The following CDH8 variants were observed in gnomAD, a reference collection of about 807,000 sequenced individuals.
The protein encoded by CDH8 is cadherin-8.
A neutral mutation model predicts 68.1 loss-of-function variants in CDH8; 17 were observed. The observed-to-expected ratio is 0.25, with a 90% CI of 0.17 to 0.37. CDH8 has a LOEUF of 0.37. CDH8 is among the 10% of genes least tolerant of loss of function. The pLI is 1.00. For synonymous variants in CDH8, 372 were observed against 365.1 expected (o/e 1.02, Z -0.21); for missense variants, 763 against 999.3 (o/e 0.76, Z 3.19).
At chr16:61,863,165 C>CT (rs1053652155) in intron 3 of CDH8, among the ~76,000 whole-genome samples, 10 of 151,908 alleles carry the variant, frequency 6.6e-5, no homozygotes, top group African/African-American at 2.2e-4. Context: ...ATTAAACAAA[C>CT]TTTTTTTTTC....
intron 10 of CDH8, chr16:61,693,447 T>C (rs1016414722): frequency 6.6e-6 from 1 of 152,078 alleles, no homozygotes; most frequent in Non-Finnish European, 1.5e-5. Flanking sequence ...CCTGACTCTG[T>C]ATAAGAAAAG....
At position 61,959,523 on chromosome 16, in the gene CDH8, C is replaced by CTCTCT. The variant is rs1965043958; in HGVS notation, c.253-58051_253-58050insAGAGA. ...CAAAAGCCAGCCCTGCCTTATCCTC[C>CTCTCT]CTCTCTCTCTCTCTCTCTCTGTGTG... On this transcript the variant is annotated intron_variant, in intron 2 of 11. Transcript: ENST00000577390. Among the ~76,000 whole-genome samples the CTCTCT allele has an allele frequency of 4.6e-3, 621 of 133,560 alleles. 3 individuals are homozygous for CTCTCT. The highest frequency in any genetic ancestry group is 0.017 in the African/African-American group (595 of 34,956). 87.6% of individuals were successfully genotyped at this position (133,560 alleles called of 152,430 possible).
chr16:62,033,785 G>T (rs1271415616), intron 1 of CDH8, among the ~76,000 whole-genome samples: 1 of 151,860 alleles, frequency 6.6e-6, no homozygotes, highest in Admixed American at 6.6e-5. Context: ...TCTGAATGAA[G>T]CAGTCCCCGG....
intron 8 of CDH8, among the ~76,000 whole-genome samples, chr16:61,773,752 T>C (rs913712858): frequency 4.6e-5 from 7 of 152,084 alleles, no homozygotes; most frequent in African/African-American, 1.4e-4. Flanking sequence ...GTGGATAGAA[T>C]TGGCAGCCAT....
intron 10 of CDH8, among the ~76,000 whole-genome samples, chr16:61,660,580 C>T (rs970960293): frequency 6.6e-6 from 1 of 151,882 alleles, no homozygotes; most frequent in Non-Finnish European, 1.5e-5. Context: ...ATAGTCTATA[C>T]ATCCAGAAAG....
At chr16:61,947,173 A>ATTGTAGACATTC (rs1486215116) in intron 2 of CDH8, among the ~76,000 whole-genome samples, 2 of 152,126 alleles carry the variant, frequency 1.3e-5, no homozygotes, top group Non-Finnish European at 2.9e-5. Context: ...CATGAATATT[A>ATTGTAGACATTC]TTTCTAAATT....
intron 8 of CDH8, among the ~76,000 whole-genome samples, chr16:61,780,499 T>A (rs1310157319): frequency 6.6e-6 from 1 of 152,266 alleles, no homozygotes; most frequent in East Asian, 1.9e-4. Flanking sequence ...CTTTTTAGCC[T>A]AATTTCATTT....
rs980829199 is a variant in CDH8 at position 61,991,751 on chromosome 16, G to A, written c.252+29401C>T. ...ACTTTCCCCTTTATCGCTTGCCTTC[G>A]ATTCTTCCACATCTATAATTCTGGA... On this transcript the variant is annotated intron_variant, in intron 2 of 11. Transcript: ENST00000577390. Among the ~76,000 whole-genome samples the A allele has an allele frequency of 9.2e-5, 14 of 152,104 alleles. No homozygotes were observed. In the South Asian group the frequency reaches 2.3e-3, roughly 25 times the overall value.
At chr16:61,916,574 G>C (rs1364974333) in intron 2 of CDH8, among the ~76,000 whole-genome samples, 1 of 152,054 alleles carries the variant, frequency 6.6e-6, no homozygotes, top group African/African-American at 2.4e-5. Context: ...GTCTGGCCTG[G>C]TGAACTCAGG....
intron 8 of CDH8, among the ~76,000 whole-genome samples, chr16:61,739,416 C>T (rs1959795979): frequency 6.6e-6 from 1 of 151,944 alleles, no homozygotes; most frequent in Non-Finnish European, 1.5e-5. Flanking sequence ...TACCCAGCAT[C>T]TATTGAGTGA....
chr16:61,807,537 C>A (rs1189877893), intron 7 of CDH8, among the ~76,000 whole-genome samples: 2 of 151,996 alleles, frequency 1.3e-5, no homozygotes, highest in African/African-American at 4.8e-5. Flanking sequence ...AGTAAAATTA[C>A]TTCATTACTA....
At chr16:61,772,511 AAT>A (rs1234175131) in intron 8 of CDH8, among the ~76,000 whole-genome samples, 3 of 152,074 alleles carry the variant, frequency 2.0e-5, no homozygotes, top group Non-Finnish European at 4.4e-5. Flanking sequence ...CATGCCAAAG[AAT>A]ACAGAAAGGG....
chr16:61,825,272 T>A, intron 4 of CDH8, 93 bp from the exon 5 acceptor site: 3 of 894,384 alleles, frequency 3.4e-6, no homozygotes, highest in Middle Eastern at 2.5e-4. Flanking sequence ...CACACAAGCA[T>A]ACACCAAGTC....
At chr16:61,971,878 A>G (rs1965346222) in intron 2 of CDH8, among the ~76,000 whole-genome samples, 1 of 152,232 alleles carries the variant, frequency 6.6e-6, no homozygotes, top group Admixed American at 6.5e-5. Context: ...ATATTTTACA[A>G]TATCATCAAA....
chr16:61,918,230 G>A (rs1964281115), intron 2 of CDH8: 1 of 152,156 alleles, frequency 6.6e-6, no homozygotes, highest in African/African-American at 2.4e-5. Flanking sequence ...TGAAAGGGGA[G>A]TACACACAAA....
intron 8 of CDH8, 133 bp downstream of exon 8, chr16:61,789,213 G>T: frequency 2.9e-6 from 2 of 699,712 alleles, no homozygotes; most frequent in Non-Finnish European, 4.6e-6. Context: ...ACATTCAAAG[G>T]CTCCTTGGGA....
In CDH8 at chr16:61,701,509, T is replaced by C. The variant is rs117660469; in HGVS notation, c.1654+12332A>G. ...ATCATCTGTGTTCTTTTTGTCTTAA[T>C]ATATTGTGTACATTTGAGTGATTAT... On this transcript the variant is annotated intron_variant, in intron 10 of 11. Transcript: ENST00000577390. 4.4e-3 allele frequency among the ~76,000 whole-genome samples: 677 copies of C among 152,354 alleles called. 6 individuals are homozygous for C. Among genetic ancestry groups the C allele is most frequent in the Middle Eastern group, 0.031 (9 of 294 alleles).
intron 4 of CDH8, among the ~76,000 whole-genome samples, chr16:61,855,695 C>T (rs1307680171): frequency 6.6e-6 from 1 of 152,116 alleles, no homozygotes; most frequent in Non-Finnish European, 1.5e-5. Context: ...TTACAGAAGA[C>T]CCTGTGCCAT....
chr16:62,005,740 A>G (rs1965964077), intron 2 of CDH8, among the ~76,000 whole-genome samples: 1 of 150,398 alleles, frequency 6.6e-6, no homozygotes, highest in Admixed American at 6.6e-5. Context: ...GTCTTAAAAA[A>G]AAAAAAAAAA....
Sources: gnomAD v4.1 joint callset for allele counts (sites outside exome capture counted in the v4.1 genomes callset) on GRCh38, gnomAD v4.1.1 for gene constraint, MANE v1.5 for transcripts, NCBI Gene and HGNC (gene_info 2026-07-23, HGNC 2026-07-21) for gene names.